Variants in PPIP5K1 observed in about 807,000 individuals in gnomAD.
PPIP5K1 encodes the protein diphosphoinositol pentakisphosphate kinase 1.
A neutral mutation model predicts 27.7 loss-of-function variants in PPIP5K1; 6 were observed. The ratio of observed to expected loss-of-function variants is 0.22; its 90% CI spans 0.12 to 0.43. The LOEUF is 0.43. PPIP5K1 is among the 20% of genes least tolerant of loss of function. PPIP5K1 has a pLI of 1.00. For synonymous variants in PPIP5K1, 145 were observed against 242.6 expected, an observed-to-expected ratio of 0.60 and a Z score of 3.74; for missense variants, 394 against 635.4, an observed-to-expected ratio of 0.62 and a Z score of 4.08.
intron 30 of PPIP5K1, among the ~76,000 whole-genome samples, chr15:43,557,667 C>G (rs1256361888): frequency 1.3e-5 from 2 of 152,002 alleles, no homozygotes; most frequent in African/African-American, 2.4e-5. Context: ...TTCTCTCTCT[C>G]TCTCTCTCTC....
intron 10 of PPIP5K1, among the ~76,000 whole-genome samples, chr15:43,579,648 TA>T (rs1342054907): frequency 1.4e-4 from 9 of 65,448 alleles, no homozygotes; most frequent in East Asian, 5.3e-4. Context: ...TATATATATA[TA>T]TATATTTTTT....
chr15:43,579,653 ATTTTT>A (rs1179725070), intron 10 of PPIP5K1, among the ~76,000 whole-genome samples: 4 of 28,780 alleles, frequency 1.4e-4, no homozygotes, highest in African/African-American at 7.6e-4. Flanking sequence ...ATATATATAT[ATTTTT>A]TTTTTTTTTT....
intron 31 of PPIP5K1, among the ~76,000 whole-genome samples, chr15:43,536,535 G>T (rs907459172): frequency 2.6e-5 from 4 of 152,038 alleles, no homozygotes; most frequent in African/African-American, 9.7e-5. Context: ...TACTAAGTCA[G>T]ATATCTTCCA....
At chr15:43,540,861 C>CAAAAAAAAAAAAAAAAA (rs34085400) in intron 30 of PPIP5K1, among the ~76,000 whole-genome samples, 1 of 73,882 alleles carries the variant, frequency 1.4e-5, no homozygotes, top group Non-Finnish European at 2.9e-5. Flanking sequence ...GACTCTGTCT[C>CAAAAAAAAAAAAAAAAA]AAAAAAAAAA....
intron 31 of PPIP5K1, among the ~76,000 whole-genome samples, chr15:43,536,808 A>G (rs2079923316): frequency 2.0e-5 from 3 of 152,170 alleles, no homozygotes; most frequent in Admixed American, 2.0e-4. Context: ...CTACTGCTTC[A>G]TCGCCCTCTA....
chr15:43,558,905 G>A lies in PPIP5K1; in HGVS notation c.3446C>T (p.Thr1149Ile). The change falls in exon 30 of 32, where the codon ACC becomes ATC. Residue 1149 changes from threonine to isoleucine, a missense_variant. Physicochemically the swap from Thr to Ile is moderately conservative, Grantham distance 89. Around this residue, in one of 4 missense-constraint regions of PPIP5K1, gnomAD observed 379 missense variants for 423.9 expected, o/e 0.89. Transcript: ENST00000420765. The stretch of plus-strand genomic sequence containing the variant: ...ATGCAGTGTTTCCAGAGGGTAGATG[G>A]TAGGCACCATGGAACACCCTTCAAA... ...YGFEGCSMVP[T>I]IYPLETLHNA... 2 of 1,613,888 alleles carry A rather than the reference G, an allele frequency of 1.2e-6. No homozygotes were observed. The highest frequency in any genetic ancestry group is 1.7e-6 in the Non-Finnish European group (2 of 1,180,010).
intron 30 of PPIP5K1, among the ~76,000 whole-genome samples, chr15:43,541,822 C>T (rs967754663): frequency 6.6e-6 from 1 of 151,996 alleles, no homozygotes; most frequent in Non-Finnish European, 1.5e-5. Context: ...TAATTGTTTC[C>T]ACATAGAATC....
intron 8 of PPIP5K1, 105 bp from the exon 9 acceptor site, chr15:43,581,493 AAC>A: frequency 1.4e-6 from 1 of 723,620 alleles, no homozygotes. Flanking sequence ...AAACAACAAC[AAC>A]AAAAACAAAA....
Position 43,534,476 on chromosome 15 carries a change from A to G in PPIP5K1, c.*198T>C, listed in dbSNP as rs994967369. The G allele has an allele frequency of 2.9e-5, 14 of 483,446 alleles. No individual in the cohort carries two copies. Among genetic ancestry groups the G allele is most frequent in the Non-Finnish European group, 5.0e-5 (14 of 280,498 alleles). 29.9% of individuals were successfully genotyped at this position (483,446 alleles called of 1,614,324 possible). The stretch of plus-strand genomic sequence containing the variant: ...CTGGCCAGTGAGTTAGCCAACAGAA[A>G]AGGTTGCTGGCTCAAATGGCTGGTA... On this transcript the variant is annotated 3_prime_UTR_variant, in exon 32 of 32. Transcript: ENST00000420765.
intron 30 of PPIP5K1, among the ~76,000 whole-genome samples, chr15:43,558,488 A>C (rs968898525): frequency 6.6e-6 from 1 of 152,066 alleles, no homozygotes; most frequent in African/African-American, 2.4e-5. Context: ...GCCCTCCCAA[A>C]GTGCTGGGAT....
chr15:43,551,977 AT>A (rs35153209), intron 30 of PPIP5K1, among the ~76,000 whole-genome samples: 190 of 144,654 alleles, frequency 1.3e-3, no homozygotes, highest in Non-Finnish European at 1.3e-3. Flanking sequence ...TTGATTTCAG[AT>A]TTTTTTTTTT....
At chr15:43,579,383 T>C (rs868520193) in intron 10 of PPIP5K1, among the ~76,000 whole-genome samples, 3,949 of 84,282 alleles carry the variant, frequency 0.047, 220 homozygotes, top group Middle Eastern at 0.16. Context: ...TTCGATTATA[T>C]ACACACACAC....
At chr15:43,543,878 T>C (rs531010796) in intron 30 of PPIP5K1, among the ~76,000 whole-genome samples, 6 of 151,796 alleles carry the variant, frequency 4.0e-5, no homozygotes, top group African/African-American at 9.6e-5. Flanking sequence ...CTATTAACAA[T>C]TAAACTACTG....
Position 43,539,500 on chromosome 15 carries a change from G to A in PPIP5K1, c.3640C>T (p.Leu1214Phe). ...GGGGGCTTCTCAGAGCGCTGCTGGA[G>A]TTGCAGGGGAGGTGAATGAAGAGTA... Reference protein sequence around the residue: ...PRTLHSPPLQLQQRSEKPPWY... With the variant: ...PRTLHSPPLQFQQRSEKPPWY... The change falls in exon 31 of 32, where the codon CTC becomes TTC. Residue 1214 changes from leucine to phenylalanine, a missense_variant. Physicochemically the swap from Leu to Phe is conservative, Grantham distance 22. Around this residue, in one of 4 missense-constraint regions of PPIP5K1, gnomAD observed 379 missense variants for 423.9 expected, o/e 0.89. Coordinates refer to ENST00000420765, the MANE Select transcript of PPIP5K1 (RefSeq NM_001394395.1). 1 of 1,606,798 alleles carries A rather than the reference G, an allele frequency of 6.2e-7. No individual in the cohort carries two copies. The highest frequency in any genetic ancestry group is 8.5e-7 in the Non-Finnish European group (1 of 1,175,362).
intron 30 of PPIP5K1, among the ~76,000 whole-genome samples, chr15:43,550,437 C>T (rs1038337085): frequency 2.6e-5 from 4 of 152,180 alleles, no homozygotes; most frequent in Admixed American, 1.3e-4. Context: ...TGAGCCACTG[C>T]GCCCAGTCTG....
intron 30 of PPIP5K1, among the ~76,000 whole-genome samples, chr15:43,546,154 T>C (rs1487596066): frequency 6.6e-6 from 1 of 152,230 alleles, no homozygotes; most frequent in Non-Finnish European, 1.5e-5. Flanking sequence ...CTTTTTGTGT[T>C]TGGTTTCTTG....
intron 30 of PPIP5K1, among the ~76,000 whole-genome samples, chr15:43,548,943 G>T (rs967496412): frequency 7.7e-5 from 11 of 143,316 alleles, no homozygotes; most frequent in Middle Eastern, 3.9e-3. Context: ...CAGGAGAATC[G>T]CTTGAACCTG....
chr15:43,542,647 AGTGTGTGTGT>A lies in PPIP5K1; in HGVS notation c.3557-3074_3557-3065del, dbSNP rs56361192. ...TTGTGGATTTTTATTATATATATTC[AGTGTGTGTGT>A]GTGTGTGTGTGTGTGTGTGTGTGTG... On this transcript the variant is annotated intron_variant, in intron 30 of 31. Coordinates refer to ENST00000420765, the MANE Select transcript of PPIP5K1 (RefSeq NM_001394395.1). Among the ~76,000 whole-genome samples, 90 of 121,362 alleles carry A rather than the reference AGTGTGTGTGT, an allele frequency of 7.4e-4. 1 individual carries two copies. The highest frequency in any genetic ancestry group is 4.0e-3 in the South Asian group (14 of 3,472). The allele number at this position is 121,362 out of a possible 152,430, so 79.6% of individuals were successfully genotyped here.
chr15:43,545,116 T>C (rs911607801), intron 30 of PPIP5K1, among the ~76,000 whole-genome samples: 88 of 151,346 alleles, frequency 5.8e-4, no homozygotes, highest in African/African-American at 2.0e-3. Flanking sequence ...AGGCAGAGCT[T>C]GCAGTGAGCC....
Sources: gnomAD v4.1 joint callset for allele counts (sites outside exome capture counted in the v4.1 genomes callset) on GRCh38, gnomAD v4.1.1 for gene constraint, gnomAD v4.1.1 regional missense constraint, MANE v1.5 for transcripts, NCBI Gene and HGNC (gene_info 2026-07-23, HGNC 2026-07-21) for gene names.